SETBP1: variants seen among roughly 807,000 people sequenced by gnomAD.
SETBP1 encodes the protein SET-binding protein.
In SETBP1, 9 loss-of-function variants were observed where a neutral mutation model predicts 101.0. That is an observed-to-expected ratio of 0.09 (90% CI 0.05 to 0.16). The LOEUF (loss-of-function observed/expected upper bound fraction) is 0.16, where lower values mean the gene tolerates loss of function less well. Among genes scored for constraint, SETBP1 ranks in the 10% least tolerant of loss-of-function variants. SETBP1 has a pLI of 1.00. For missense variants in SETBP1, 1,858 were observed against 2,033.8 expected (o/e 0.91, Z 1.66); for synonymous variants, 818 against 788.5 (o/e 1.04, Z -0.63).
intron 4 of SETBP1, among the ~76,000 whole-genome samples, chr18:44,981,965 G>T (rs1375183551): frequency 6.6e-6 from 1 of 152,188 alleles, no homozygotes; most frequent in Non-Finnish European, 1.5e-5. Context: ...CTGTTCAAAA[G>T]TGCCATATAC....
intron 2 of SETBP1, among the ~76,000 whole-genome samples, chr18:44,782,919 A>G (rs11082409): frequency 0.68 from 102,976 of 151,922 alleles, 35,336 homozygotes; most frequent in Non-Finnish European, 0.73. Flanking sequence ...ATTTTCTTAA[A>G]AATTAATTTT....
chr18:44,800,601 G>T (rs889280151), intron 2 of SETBP1, among the ~76,000 whole-genome samples: 1 of 152,186 alleles, frequency 6.6e-6, no homozygotes, highest in African/African-American at 2.4e-5. Context: ...GAATGGAGAA[G>T]GGAAGAGCAG....
intron 1 of SETBP1, among the ~76,000 whole-genome samples, chr18:44,697,775 C>T (rs764947884): frequency 3.9e-5 from 6 of 152,146 alleles, no homozygotes; most frequent in Non-Finnish European, 5.9e-5. Context: ...GGAGTGAGCA[C>T]CACGGTCTGG....
intron 4 of SETBP1, chr18:44,986,504 T>C (rs1362041281): frequency 1.3e-5 from 2 of 152,234 alleles, no homozygotes; most frequent in Middle Eastern, 3.2e-3. Flanking sequence ...TTTTACTTTA[T>C]AAGGTTAAGT....
intron 4 of SETBP1, among the ~76,000 whole-genome samples, chr18:45,013,249 A>G (rs550001077): frequency 6.6e-6 from 1 of 152,294 alleles, no homozygotes; most frequent in African/African-American, 2.4e-5. Context: ...CACCCTGCCT[A>G]CCTGCTCTAC....
At position 44,952,433 on chromosome 18, in the gene SETBP1, G is replaced by A; in HGVS notation, c.3093G>A (p.Lys1031=). Residue 1031 remains lysine, a synonymous_variant, in exon 4 of 6, where the codon AAG becomes AAA. Coordinates refer to ENST00000649279, the MANE Select transcript of SETBP1 (RefSeq NM_015559.3). ...CAAAAACCAATGACACCATGACAAA[G>A]GTGCCTTTTTTACAAGGGTTCAGCT... ...RPAKTNDTMT[K]VPFLQGFSYP... The A allele has an allele frequency of 2.5e-6, 4 of 1,614,112 alleles. No homozygotes were observed. The highest frequency in any genetic ancestry group is 3.4e-6 in the Non-Finnish European group (4 of 1,180,038).
chr18:44,995,303 G>C (rs1402296500), intron 4 of SETBP1, among the ~76,000 whole-genome samples: 2 of 151,754 alleles, frequency 1.3e-5, no homozygotes, highest in Admixed American at 6.6e-5. Context: ...CACCATGCCC[G>C]ACTAATTTTT....
At chr18:44,809,964 T>C (rs1189495357) in intron 2 of SETBP1, among the ~76,000 whole-genome samples, 1 of 152,230 alleles carries the variant, frequency 6.6e-6, no homozygotes, top group East Asian at 1.9e-4. Flanking sequence ...TTATCCCATC[T>C]GCCCTGCAAA....
chr18:44,942,205 G>T (rs2071102770), intron 3 of SETBP1, among the ~76,000 whole-genome samples: 1 of 152,076 alleles, frequency 6.6e-6, no homozygotes, highest in South Asian at 2.1e-4. Context: ...CCATTTCTGA[G>T]ATCTCAGCTG....
chr18:44,992,034 G>T (rs2072389544), intron 4 of SETBP1, among the ~76,000 whole-genome samples: 1 of 151,980 alleles, frequency 6.6e-6, no homozygotes, highest in South Asian at 2.1e-4. Context: ...TTAATTCATG[G>T]GTCAAAAAAT....
At chr18:45,035,827 G>A (rs1179005969) in intron 4 of SETBP1, among the ~76,000 whole-genome samples, 3 of 152,144 alleles carry the variant, frequency 2.0e-5, no homozygotes, top group Non-Finnish European at 4.4e-5. Context: ...GAATGCCATG[G>A]TGGTGCAGTG....
rs893458270 is a variant in SETBP1, at chr18:44,953,034, T to C, written c.3694T>C (p.Ser1232Pro). 5.6e-6 allele frequency: 9 copies of C among 1,614,038 alleles called. No homozygotes were observed. Among genetic ancestry groups the C allele is most frequent in the Non-Finnish European group, 6.8e-6 (8 of 1,180,044 alleles). The change falls in exon 4 of 6, where the codon TCT (serine) becomes CCT (proline). Residue 1232 changes from serine (S) to proline (P), a missense_variant. Physicochemically the swap from Ser to Pro is moderately conservative, Grantham distance 74 (BLOSUM62 -1). Around this residue, in one of 12 missense-constraint regions of SETBP1, gnomAD observed 417 missense variants for 389.1 expected, o/e 1.07. Transcript: ENST00000649279. ...GAACAACTTTGAGGTGGACACCCTG[T>C]CTACACTGTCACTTTCCGACGCCCA... ...SKNNFEVDTL[S>P]TLSLSDAQHW...
chr18:44,762,746 A>G (rs1230628512), intron 2 of SETBP1, among the ~76,000 whole-genome samples: 1 of 152,226 alleles, frequency 6.6e-6, no homozygotes, highest in African/African-American at 2.4e-5. Context: ...GTCACCATCA[A>G]TGATTAGCAT....
chr18:45,045,033 G>A (rs547317019), intron 5 of SETBP1, among the ~76,000 whole-genome samples: 2 of 152,236 alleles, frequency 1.3e-5, no homozygotes, highest in African/African-American at 4.8e-5. Context: ...CCTGATCCCA[G>A]CACTTTGGGA....
chr18:44,781,650 C>G (rs189266383), intron 2 of SETBP1, among the ~76,000 whole-genome samples: 27 of 152,214 alleles, frequency 1.8e-4, no homozygotes, highest in African/African-American at 6.3e-4. Flanking sequence ...AATGTGTAAT[C>G]CCTCATAGAT....
At position 44,916,542 on chromosome 18, in the gene SETBP1, C is replaced by T. The variant is rs147646149; in HGVS notation, c.541-33339C>T. Reference sequence around the variant, plus strand: ...TAATTTGTGTAAATATTGCTACAGCCCAGGTCACAGTGAAATCTTAGACTG... The same window carrying T: ...TAATTTGTGTAAATATTGCTACAGCTCAGGTCACAGTGAAATCTTAGACTG... On this transcript the variant is annotated intron_variant, in intron 3 of 5. Transcript: ENST00000649279. 3.3e-5 allele frequency among the ~76,000 whole-genome samples: 5 copies of T among 152,236 alleles called. No individual in the cohort carries two copies. The East Asian group carries it at 9.6e-4, about 29-fold the overall frequency.
intron 2 of SETBP1, among the ~76,000 whole-genome samples, chr18:44,856,949 A>T (rs1269844386): frequency 6.6e-6 from 1 of 152,092 alleles, no homozygotes; most frequent in African/African-American, 2.4e-5. Context: ...ATGCTCTCCA[A>T]ATTATGAGCC....
chr18:44,695,023 T>G (rs2068992216), intron 1 of SETBP1, among the ~76,000 whole-genome samples: 1 of 151,834 alleles, frequency 6.6e-6, no homozygotes, highest in African/African-American at 2.4e-5. Context: ...AATGTGCAAT[T>G]GCAGAATTAA....
chr18:44,943,292 G>A (rs940555386), intron 3 of SETBP1, among the ~76,000 whole-genome samples: 1 of 152,180 alleles, frequency 6.6e-6, no homozygotes, highest in Admixed American at 6.5e-5. Flanking sequence ...GGTCTGTTCT[G>A]TTGGGGGTTT....
Sources: gnomAD v4.1 joint callset for allele counts (sites outside exome capture counted in the v4.1 genomes callset) on GRCh38, gnomAD v4.1.1 for gene constraint, gnomAD v4.1.1 regional missense constraint, MANE v1.5 for transcripts, NCBI Gene and HGNC (gene_info 2026-07-23, HGNC 2026-07-21) for gene names.